The following HIRA variants were observed in gnomAD, a reference collection of about 807,000 sequenced individuals.
HIRA encodes the protein histone cell cycle regulator.
A neutral mutation model predicts 126.6 loss-of-function variants in HIRA; 13 were observed. The observed-to-expected ratio is 0.10, with a 90% CI of 0.07 to 0.16. The LOEUF (loss-of-function observed/expected upper bound fraction) is 0.16. Among genes scored for constraint, HIRA ranks in the 10% least tolerant of loss-of-function variants. HIRA has a pLI of 1.00. For synonymous variants in HIRA, 511 were observed against 520.0 expected, an observed-to-expected ratio of 0.98 and a Z score of 0.24; for missense variants, 834 against 1,314.4, an observed-to-expected ratio of 0.63 and a Z score of 5.65.
At chr22:19,410,126 A>G (rs1267095857) in intron 2 of HIRA, among the ~76,000 whole-genome samples, 1 of 152,212 alleles carries the variant, frequency 6.6e-6, no homozygotes, top group Non-Finnish European at 1.5e-5. Context: ...ACATCTTGGT[A>G]TTGTGGCATG....
intron 24 of HIRA, among the ~76,000 whole-genome samples, chr22:19,333,401 GA>G (rs2088518399): frequency 6.6e-6 from 1 of 152,022 alleles, no homozygotes; most frequent in Non-Finnish European, 1.5e-5. Flanking sequence ...GAAATTCCTA[GA>G]AAAATATAAT....
intron 18 of HIRA, among the ~76,000 whole-genome samples, chr22:19,357,788 T>C (rs2088827099): frequency 6.6e-6 from 1 of 152,166 alleles, no homozygotes; most frequent in African/African-American, 2.4e-5. Context: ...GTCACTTCTA[T>C]CCTGGTGAGC....
At chr22:19,356,095 C>T (rs1325426191) in intron 20 of HIRA, 135 bp downstream of exon 20, 7 of 834,696 alleles carry the variant, frequency 8.4e-6, no homozygotes, top group East Asian at 2.6e-5. Context: ...TCTCCTGCAG[C>T]GTAACCACAC....
chr22:19,349,539 C>G (rs1182117784), intron 24 of HIRA, among the ~76,000 whole-genome samples: 1 of 152,182 alleles, frequency 6.6e-6, no homozygotes, highest in Admixed American at 6.5e-5. Context: ...AATGAGCTTT[C>G]TGAATCTTCA....
At chr22:19,378,186 G>T in intron 13 of HIRA, 120 bp from the exon 14 acceptor site, 2 of 647,218 alleles carry the variant, frequency 3.1e-6, no homozygotes, top group Non-Finnish European at 4.8e-6. Context: ...TAGAAAATCT[G>T]CAAAGTTACA....
intron 1 of HIRA, among the ~76,000 whole-genome samples, chr22:19,417,170 A>G (rs2089405276): frequency 6.6e-6 from 1 of 152,126 alleles, no homozygotes; most frequent in Non-Finnish European, 1.5e-5. Context: ...ATTGCACTCC[A>G]GCCTGGGCGA....
intron 15 of HIRA, among the ~76,000 whole-genome samples, chr22:19,371,608 T>C (rs1281214593): frequency 1.4e-5 from 2 of 145,878 alleles, no homozygotes; most frequent in South Asian, 4.3e-4. Flanking sequence ...ACAAACTCTG[T>C]ACCCATTGGT....
At chr22:19,370,713 GAATTCAGCA>G (rs1477711998) in intron 15 of HIRA, among the ~76,000 whole-genome samples, 1 of 152,208 alleles carries the variant, frequency 6.6e-6, no homozygotes, top group African/African-American at 2.4e-5. Context: ...CCCAACCTGA[GAATTCAGCA>G]CCAGGCTCCT....
At chr22:19,369,560 G>A (rs9618551) in intron 15 of HIRA, among the ~76,000 whole-genome samples, 268 of 152,238 alleles carry the variant, frequency 1.8e-3, no homozygotes, top group African/African-American at 6.1e-3. Context: ...TGAGGAAGTG[G>A]GGGACCTGGG....
intron 24 of HIRA, among the ~76,000 whole-genome samples, chr22:19,350,337 T>A (rs2088742210): frequency 6.6e-6 from 1 of 152,154 alleles, no homozygotes; most frequent in Admixed American, 6.6e-5. Context: ...AGGTGCCCCA[T>A]CAGTAATTGC....
At chr22:19,336,149 G>A (rs1355134415) in intron 24 of HIRA, among the ~76,000 whole-genome samples, 1 of 152,194 alleles carries the variant, frequency 6.6e-6, no homozygotes, top group African/African-American at 2.4e-5. Flanking sequence ...ACGCACAATT[G>A]CTGGCTTAAA....
At chr22:19,354,751 G>A (rs2088794028) in intron 21 of HIRA, among the ~76,000 whole-genome samples, 1 of 151,472 alleles carries the variant, frequency 6.6e-6, no homozygotes, top group South Asian at 2.1e-4. Context: ...TTTGCAATTT[G>A]GGGGAGCAGG....
chr22:19,369,712 A>T (rs2088947813), intron 15 of HIRA, among the ~76,000 whole-genome samples: 1 of 152,136 alleles, frequency 6.6e-6, no homozygotes, highest in African/African-American at 2.4e-5. Context: ...TGGGCGCATC[A>T]CTTGAGGTCA....
chr22:19,361,472 G>A, intron 16 of HIRA, 131 bp from the exon 17 acceptor site: 4 of 806,816 alleles, frequency 5.0e-6, no homozygotes, highest in South Asian at 4.7e-5. Context: ...AGGAAGCAGA[G>A]GGGAATGCTA....
intron 13 of HIRA, 90 bp downstream of exon 13, chr22:19,383,530 G>A (rs999791893): frequency 1.7e-5 from 18 of 1,067,470 alleles, no homozygotes; most frequent in Admixed American, 3.7e-5. Flanking sequence ...TGAAGGACCC[G>A]TGAAGATCCT....
At chr22:19,338,761 A>G (rs879953578) in intron 24 of HIRA, among the ~76,000 whole-genome samples, 1 of 152,256 alleles carries the variant, frequency 6.6e-6, no homozygotes, top group African/African-American at 2.4e-5. Context: ...TCCAACAGGA[A>G]AATATCACAA....
In HIRA at chr22:19,376,187, A is replaced by G. The variant is rs543964304; in HGVS notation, c.1614-395T>C. ...CTTTGACAATGAGTCTCATGAGATA[A>G]GCCTGCACCTGGGGTCCTGAAGCCA... is the stretch of plus-strand genomic sequence containing the variant. On this transcript the variant is annotated intron_variant, in intron 14 of 24. Transcript: ENST00000263208. 1.6e-4 allele frequency among the ~76,000 whole-genome samples: 25 copies of G among 152,246 alleles called. 1 individual carries two copies. The highest frequency in any genetic ancestry group is 1.6e-3 in the Admixed American group (25 of 15,308).
chr22:19,413,783 G>C (rs2106142), intron 1 of HIRA, among the ~76,000 whole-genome samples: 1 of 151,856 alleles, frequency 6.6e-6, no homozygotes, highest in Non-Finnish European at 1.5e-5. Context: ...AGCTAATTTT[G>C]GTATTTTTAG....
At chr22:19,379,439 A>G (rs1419307047) in intron 13 of HIRA, among the ~76,000 whole-genome samples, 2 of 151,012 alleles carry the variant, frequency 1.3e-5, no homozygotes, top group East Asian at 4.1e-4. Flanking sequence ...AGCCTGGCCA[A>G]CATGGTGAAA....
Sources: gnomAD v4.1 joint callset for allele counts (sites outside exome capture counted in the v4.1 genomes callset) on GRCh38, gnomAD v4.1.1 for gene constraint, MANE v1.5 for transcripts, NCBI Gene and HGNC (gene_info 2026-07-23, HGNC 2026-07-21) for gene names.